The following NR4A3 variants were observed in gnomAD, a reference collection of about 807,000 sequenced individuals.
The protein encoded by NR4A3 is chondrosarcoma, extraskeletal myxoid, fused to EWS.
In NR4A3, 13 loss-of-function variants were observed where a neutral mutation model predicts 55.6. That is an observed-to-expected ratio of 0.23 (90% confidence interval 0.15 to 0.37). The LOEUF is 0.37. Ranked by LOEUF, NR4A3 falls within the 10% of genes least tolerant of loss-of-function variation. The pLI is 1.00. For missense variants in NR4A3, 646 were observed against 822.8 expected (o/e 0.79, Z 2.63); for synonymous variants, 342 against 357.9 (o/e 0.96, Z 0.50).
At chr9:99,839,356 G>A (rs932928658) in intron 5 of NR4A3, among the ~76,000 whole-genome samples, 8 of 152,320 alleles carry the variant, frequency 5.3e-5, no homozygotes, top group Admixed American at 2.0e-4. Context: ...GGAGAAAAAC[G>A]TGTCCTTAGC....
intron 7 of NR4A3, among the ~76,000 whole-genome samples, chr9:99,850,160 A>G (rs1336074859): frequency 2.6e-5 from 4 of 152,128 alleles, no homozygotes; most frequent in Non-Finnish European, 4.4e-5. Context: ...AGGTGAGGGG[A>G]GCAGAGTTTA....
intron 7 of NR4A3, among the ~76,000 whole-genome samples, chr9:99,848,231 C>A (rs1386095704): frequency 6.6e-6 from 1 of 152,144 alleles, no homozygotes; most frequent in Non-Finnish European, 1.5e-5. Context: ...AAAGTAAAAC[C>A]AAAACACTAT....
In NR4A3 at chr9:99,864,588, G is replaced by C. The variant is rs145564870; in HGVS notation, c.*721G>C. 1.7e-4 allele frequency: 39 copies of C among 228,556 alleles called. No homozygotes were observed. Among genetic ancestry groups the C allele is most frequent in the African/African-American group, 8.0e-4 (36 of 45,196 alleles). The allele number at this position is 228,556 out of a possible 1,614,324, so 14.2% of individuals were successfully genotyped here. A position where few individuals can be genotyped will look rare whatever the true frequency, so the allele number is the denominator to read the frequency against. On this transcript the variant is annotated 3_prime_UTR_variant, in exon 8 of 8. Transcript: ENST00000395097. ...AAATGACACGTTAATATCCCTAGCA[G>C]AGGCTGTGTTCACCTTCCCTGTCGA...
intron 1 of NR4A3, among the ~76,000 whole-genome samples, chr9:99,824,110 G>A (rs1317816764): frequency 6.6e-6 from 1 of 152,186 alleles, no homozygotes; most frequent in Non-Finnish European, 1.5e-5. Context: ...GCCGCAAGCA[G>A]GAGCGGCGGA....
intron 5 of NR4A3, among the ~76,000 whole-genome samples, chr9:99,835,485 C>T (rs1213793546): frequency 2.0e-5 from 3 of 151,348 alleles, no homozygotes; most frequent in African/African-American, 4.9e-5. Flanking sequence ...GAAGAGTTCT[C>T]CTCCCAGAAG....
intron 3 of NR4A3, 90 bp from the exon 4 acceptor site, chr9:99,832,599 G>A (rs538708624): frequency 1.1e-5 from 13 of 1,132,664 alleles, no homozygotes; most frequent in South Asian, 2.2e-5. Flanking sequence ...TTGCACTGTC[G>A]CTTTTCACAT....
At chr9:99,841,991 A>G (rs1827658541) in intron 5 of NR4A3, among the ~76,000 whole-genome samples, 1 of 152,122 alleles carries the variant, frequency 6.6e-6, no homozygotes, top group African/African-American at 2.4e-5. Context: ...TTTTTTGAGG[A>G]AGGTATCCCC....
intron 5 of NR4A3, chr9:99,833,756 G>T: frequency 2.8e-6 from 4 of 1,408,974 alleles, no homozygotes; most frequent in Non-Finnish European, 3.7e-6. Context: ...ACTACAATTT[G>T]TAGATTTATC....
chr9:99,826,630 A>G (rs1355735833), intron 2 of NR4A3: 4 of 686,296 alleles, frequency 5.8e-6, no homozygotes, highest in Non-Finnish European at 1.0e-5. Context: ...GGACAGCAAG[A>G]TAAGTAACTG....
intron 3 of NR4A3, among the ~76,000 whole-genome samples, chr9:99,831,859 T>A (rs1827449482): frequency 6.6e-6 from 1 of 152,222 alleles, no homozygotes; most frequent in Admixed American, 6.5e-5. Flanking sequence ...ACAACATCAT[T>A]TTTCTATCCA....
Position 99,866,396 on chromosome 9 carries a change from G to C in NR4A3, c.*2529G>C, listed in dbSNP as rs1412886518. The C allele has an allele frequency of 4.5e-6, 1 of 223,342 alleles. No individual in the cohort carries two copies. The highest frequency in any genetic ancestry group is 9.0e-6 in the Non-Finnish European group (1 of 111,530). 13.8% of individuals were successfully genotyped at this position (223,342 alleles called of 1,614,324 possible). A position where few individuals can be genotyped will look rare whatever the true frequency, so the allele number is the denominator to read the frequency against. On this transcript the variant is annotated 3_prime_UTR_variant, in exon 8 of 8. Coordinates refer to ENST00000395097, the MANE Select transcript of NR4A3 (RefSeq NM_006981.4). ...TTACACCCATCAGATTTAAGGAAAA[G>C]ACTTTTTAGCCATTATAATCTAGTG...
intron 5 of NR4A3, among the ~76,000 whole-genome samples, chr9:99,841,327 A>G (rs1827647500): frequency 6.6e-6 from 1 of 151,754 alleles, no homozygotes; most frequent in African/African-American, 2.4e-5. Flanking sequence ...CCCATGGTCT[A>G]TTACAACACA....
At chr9:99,858,883 T>C (rs1316961431) in intron 7 of NR4A3, among the ~76,000 whole-genome samples, 1 of 152,232 alleles carries the variant, frequency 6.6e-6, no homozygotes, top group Non-Finnish European at 1.5e-5. Context: ...ATATATGTGC[T>C]ATTATGGCAT....
chr9:99,843,673 CA>C (rs869165613), intron 5 of NR4A3, among the ~76,000 whole-genome samples: 2 of 122,296 alleles, frequency 1.6e-5, no homozygotes, highest in South Asian at 2.3e-4. Flanking sequence ...CCCATTTCTA[CA>C]AAAAAAATTT....
At position 99,866,421 on chromosome 9, in the gene NR4A3, G is replaced by A. The variant is rs1415651721; in HGVS notation, c.*2554G>A. ...GACTTTTTAGCCATTATAATCTAGT[G>A]GTTGGAAGGAATGAAGAAGCTTTTT... On this transcript the variant is annotated 3_prime_UTR_variant, in exon 8 of 8. Coordinates refer to ENST00000395097, the MANE Select transcript of NR4A3 (RefSeq NM_006981.4). 4.4e-6 allele frequency: 1 copy of A among 225,018 alleles called. No individual in the cohort carries two copies. The highest frequency in any genetic ancestry group is 5.7e-5 in the Admixed American group (1 of 17,512). 13.9% of individuals were successfully genotyped at this position (225,018 alleles called of 1,614,324 possible). A position where few individuals can be genotyped will look rare whatever the true frequency, so the allele number is the denominator to read the frequency against.
At chr9:99,844,877 A>G in intron 6 of NR4A3, 29 bp downstream of exon 6, 2 of 1,553,026 alleles carry the variant, frequency 1.3e-6, no homozygotes, top group Non-Finnish European at 1.8e-6. Context: ...TCTTCAGTCT[A>G]CGTCCTTTGA....
At chr9:99,826,268 A>G (rs1359030560) in intron 2 of NR4A3, among the ~76,000 whole-genome samples, 5 of 152,198 alleles carry the variant, frequency 3.3e-5, no homozygotes, top group Admixed American at 6.5e-5. Context: ...GGAAGGAGAA[A>G]AGCATTTGAG....
At chr9:99,839,483 C>T (rs768726594) in intron 5 of NR4A3, among the ~76,000 whole-genome samples, 3 of 152,228 alleles carry the variant, frequency 2.0e-5, no homozygotes, top group Admixed American at 1.3e-4. Context: ...ATGGGTCTCA[C>T]TTAATTTCCA....
intron 7 of NR4A3, among the ~76,000 whole-genome samples, chr9:99,856,568 GA>G (rs1014222014): frequency 1.3e-5 from 2 of 152,184 alleles, no homozygotes; most frequent in Admixed American, 1.3e-4. Context: ...CTCAATGTAA[GA>G]AAAACTTTCA....
Sources: gnomAD v4.1 joint callset for allele counts (sites outside exome capture counted in the v4.1 genomes callset) on GRCh38, gnomAD v4.1.1 for gene constraint, MANE v1.5 for transcripts, NCBI Gene and HGNC (gene_info 2026-07-23, HGNC 2026-07-21) for gene names.